The following STEAP2 variants were observed in gnomAD, a reference collection of about 807,000 sequenced individuals.
STEAP2 encodes STEAP2 metalloreductase.
STEAP2 carries 30 observed loss-of-function variants against 46.4 expected under a neutral mutation model. The ratio of observed to expected loss-of-function variants is 0.65; its 90% CI spans 0.48 to 0.88. The LOEUF (loss-of-function observed/expected upper bound fraction) is 0.88, where lower values mean the gene tolerates loss of function less well. Ranked by LOEUF, STEAP2 falls within the 40% of genes least tolerant of loss-of-function variation. The pLI, the probability that STEAP2 is intolerant of heterozygous loss-of-function variation, is 0.00. For missense variants in STEAP2, 513 were observed against 579.3 expected (o/e 0.89, Z 1.18); for synonymous variants, 180 against 200.5 (o/e 0.90, Z 0.86).
At chr7:90,212,131 A>G (rs548307166) in intron 1 of STEAP2, 86 bp downstream of exon 1, 1 of 152,556 alleles carries the variant, frequency 6.6e-6, no homozygotes, top group Non-Finnish European at 1.5e-5. Flanking sequence ...CGCTGCATCC[A>G]TCCTCCCCGA....
intron 1 of STEAP2, among the ~76,000 whole-genome samples, chr7:90,214,301 A>T (rs17865336): frequency 0.034 from 5,169 of 152,098 alleles, 241 homozygotes; most frequent in South Asian, 0.11. Context: ...ACTGGTGGAT[A>T]ATGGTGGCAT....
At position 90,235,484 on chromosome 7, in the gene STEAP2, C is replaced by T. The variant is rs1463811297; in HGVS notation, c.*2860C>T. 1 of 985,076 alleles carries T rather than the reference C, an allele frequency of 1.0e-6. No homozygotes were observed. Among genetic ancestry groups the T allele is most frequent in the African/African-American group, 1.7e-5 (1 of 57,156 alleles). 61.0% of individuals were successfully genotyped at this position (985,076 alleles called of 1,614,324 possible). On this transcript the variant is annotated 3_prime_UTR_variant, in exon 6 of 6. Coordinates refer to ENST00000394621, the MANE Select transcript of STEAP2 (RefSeq NM_001244944.2). The stretch of plus-strand genomic sequence containing the variant: ...GCCTCAGAAGTAGGACTGAATTCTA[C>T]TATTGCTAGGTGTGAGAAAGTGGTG...
downstream of STEAP2, among the ~76,000 whole-genome samples, chr7:90,238,307 G>A (rs2116423225): frequency 6.6e-6 from 1 of 152,348 alleles, no homozygotes; most frequent in East Asian, 1.9e-4. Flanking sequence ...ATCCTGAGAG[G>A]AGGATTGTCA....
intron 1 of STEAP2, among the ~76,000 whole-genome samples, chr7:90,213,056 C>A (rs1259232550): frequency 1.4e-5 from 2 of 147,588 alleles, no homozygotes; most frequent in African/African-American, 4.9e-5. Context: ...AAAAGCAAAA[C>A]AAAACAAAAC....
chr7:90,233,045 G>A lies in STEAP2; in HGVS notation c.*421G>A. ...AGATTTTAATTATTCAACTTAAAAA[G>A]TAGAAATGCATTATTATACATTTTT... On this transcript the variant is annotated 3_prime_UTR_variant, in exon 6 of 6. Transcript: ENST00000394621. 1.0e-6 allele frequency: 1 copy of A among 970,440 alleles called. No individual in the cohort carries two copies. The highest frequency in any genetic ancestry group is 1.2e-6 in the Non-Finnish European group (1 of 816,238). 60.1% of individuals were successfully genotyped at this position (970,440 alleles called of 1,614,324 possible).
At position 90,227,074 on chromosome 7, in the gene STEAP2, G is replaced by C. The variant is rs1393361635; in HGVS notation, c.596G>C (p.Arg199Thr). 6.2e-7 allele frequency: 1 copy of C among 1,613,824 alleles called. No individual in the cohort carries two copies. The change falls in exon 4 of 6, where the codon AGA becomes ACA. Residue 199 changes from arginine (R) to threonine (T), a missense_variant. Arg to Thr is a moderately conservative substitution (Grantham distance 71). Coordinates refer to ENST00000394621, the MANE Select transcript of STEAP2 (RefSeq NM_001244944.2). ...GACTTGGGATCCTTATCATCAGCCA[G>C]AGAGATTGAAAATTTACCCCTACGA... ...PIDLGSLSSA[R>T]EIENLPLRLF...
Position 90,234,186 on chromosome 7 carries a change from A to G in STEAP2, c.*1562A>G. 3.0e-6 allele frequency: 3 copies of G among 985,400 alleles called. No homozygotes were observed. Among genetic ancestry groups the G allele is most frequent in the Non-Finnish European group, 3.6e-6 (3 of 829,900 alleles). The allele number at this position is 985,400 out of a possible 1,614,324, so 61.0% of individuals were successfully genotyped here. A position where few individuals can be genotyped will look rare whatever the true frequency, so the allele number is the denominator to read the frequency against. On this transcript the variant is annotated 3_prime_UTR_variant, in exon 6 of 6. Coordinates refer to ENST00000394621, the MANE Select transcript of STEAP2 (RefSeq NM_001244944.2). Reference sequence around the variant, plus strand: ...GGCTAATTATAAATCTACTCTAGAGACATATAATCATACAGATTATTCATA... The same window carrying G: ...GGCTAATTATAAATCTACTCTAGAGGCATATAATCATACAGATTATTCATA...
rs1795444692 is a variant in STEAP2, at chr7:90,225,417, T to A, written c.335T>A (p.Ile112Asn). Reference sequence around the variant, plus strand: ...CTGAGACATCTGCTTGTGGGTAAAATCCTGATTGATGTGAGCAATAACATG... The same window carrying A: ...CTGAGACATCTGCTTGTGGGTAAAAACCTGATTGATGTGAGCAATAACATG... Reference protein sequence around the residue: ...WDLRHLLVGKILIDVSNNMRI... With the variant: ...WDLRHLLVGKNLIDVSNNMRI... Residue 112 changes from isoleucine (I) to asparagine (N), a missense_variant, in exon 3 of 6, where the codon ATC (isoleucine) becomes AAC (asparagine). Coordinates refer to ENST00000394621, the MANE Select transcript of STEAP2 (RefSeq NM_001244944.2). 6.2e-7 allele frequency: 1 copy of A among 1,613,690 alleles called. No individual in the cohort carries two copies.
intron 4 of STEAP2, among the ~76,000 whole-genome samples, chr7:90,227,743 G>T (rs934442816): frequency 1.3e-5 from 2 of 152,006 alleles, no homozygotes; most frequent in Non-Finnish European, 2.9e-5. Context: ...TAGAGGGTTG[G>T]GTTCTCCCCC....
intron 4 of STEAP2, among the ~76,000 whole-genome samples, chr7:90,229,437 G>T (rs1174737370): frequency 1.3e-5 from 2 of 152,106 alleles, no homozygotes; most frequent in African/African-American, 4.8e-5. Context: ...TTCCCTGACC[G>T]GATCCAAGTT....
chr7:90,221,060 A>C (rs1449884497), intron 2 of STEAP2, among the ~76,000 whole-genome samples: 1 of 152,170 alleles, frequency 6.6e-6, no homozygotes, highest in Non-Finnish European at 1.5e-5. Flanking sequence ...ATTCCTAGAG[A>C]ATGTCTATGT....
Position 90,233,508 on chromosome 7 carries a change from A to T in STEAP2, c.*884A>T, listed in dbSNP as rs1299252920. The T allele has an allele frequency of 1.0e-6, 1 of 985,288 alleles. No homozygotes were observed. The allele number at this position is 985,288 out of a possible 1,614,324, so 61.0% of individuals were successfully genotyped here. On this transcript the variant is annotated 3_prime_UTR_variant, in exon 6 of 6. Coordinates refer to ENST00000394621, the MANE Select transcript of STEAP2 (RefSeq NM_001244944.2). ...GCACCTTAACCAGTCACCACTTGCT[A>T]TGGTATAGGATTATACTGATGTTCT...
At chr7:90,218,802 C>T (rs752945204) in intron 2 of STEAP2, among the ~76,000 whole-genome samples, 3 of 152,012 alleles carry the variant, frequency 2.0e-5, no homozygotes, top group Non-Finnish European at 2.9e-5. Flanking sequence ...TTTTCTAATT[C>T]TATGAAAAAT....
intron 1 of STEAP2, chr7:90,215,507 A>G (rs547584666): frequency 7.9e-5 from 12 of 152,362 alleles, no homozygotes; most frequent in African/African-American, 2.9e-4. Flanking sequence ...TCAAATGCCC[A>G]TTCAAGAAAA....
intron 2 of STEAP2, among the ~76,000 whole-genome samples, chr7:90,223,449 A>G (rs194517): frequency 0.89 from 136,278 of 152,274 alleles, 61,220 homozygotes; most frequent in East Asian, 1. Context: ...TACAGTGTCC[A>G]CAGGGCAATT....
rs1795826069 is a variant in STEAP2 at position 90,233,049 on chromosome 7, A to T, written c.*425A>T. ...TTTAATTATTCAACTTAAAAAGTAG[A>T]AATGCATTATTATACATTTTTTTAA... On this transcript the variant is annotated 3_prime_UTR_variant, in exon 6 of 6. Coordinates refer to ENST00000394621, the MANE Select transcript of STEAP2 (RefSeq NM_001244944.2). 1 of 972,850 alleles carries T rather than the reference A, an allele frequency of 1.0e-6. No homozygotes were observed. 60.3% of individuals were successfully genotyped at this position (972,850 alleles called of 1,614,324 possible). A position where few individuals can be genotyped will look rare whatever the true frequency, so the allele number is the denominator to read the frequency against.
intron 1 of STEAP2, chr7:90,213,918 A>G (rs1794914490): frequency 6.6e-6 from 1 of 152,294 alleles, no homozygotes; most frequent in Non-Finnish European, 1.5e-5. Flanking sequence ...GGTGGACAAT[A>G]TACAGATAAG....
chr7:90,226,083 T>C (rs1436906959), intron 3 of STEAP2, among the ~76,000 whole-genome samples: 2 of 152,204 alleles, frequency 1.3e-5, no homozygotes, highest in African/African-American at 4.8e-5. Flanking sequence ...TAGGCTCTTC[T>C]ACAGGCTATT....
rs533603669 is a variant in STEAP2 at position 90,233,829 on chromosome 7, A to G, written c.*1205A>G. 1,110 of 985,392 alleles carry G rather than the reference A, an allele frequency of 1.1e-3. 3 individuals are homozygous for G. Among genetic ancestry groups the G allele is most frequent in the Non-Finnish European group, 1.3e-3 (1,057 of 829,920 alleles). The allele number at this position is 985,392 out of a possible 1,614,324, so 61.0% of individuals were successfully genotyped here. A position where few individuals can be genotyped will look rare whatever the true frequency, so the allele number is the denominator to read the frequency against. ...CCAATCTAGATGCTTCCTCTTTTGTATAAAGTCACTGACATTCTTTAGAGT... is the reference window on the plus strand; with the variant it reads ...CCAATCTAGATGCTTCCTCTTTTGTGTAAAGTCACTGACATTCTTTAGAGT... On this transcript the variant is annotated 3_prime_UTR_variant, in exon 6 of 6. Coordinates refer to ENST00000394621, the MANE Select transcript of STEAP2 (RefSeq NM_001244944.2).
Sources: gnomAD v4.1 joint callset for allele counts (sites outside exome capture counted in the v4.1 genomes callset) on GRCh38, gnomAD v4.1.1 for gene constraint, MANE v1.5 for transcripts, NCBI Gene and HGNC (gene_info 2026-07-23, HGNC 2026-07-21) for gene names.